Variants in RYR3 observed in about 807,000 individuals in gnomAD.
RYR3 encodes brain ryanodine receptor-calcium release channel.
Under a neutral mutation model 584.3 loss-of-function variants are expected in RYR3, and 207 were observed. That is an observed-to-expected ratio of 0.35 (90% CI 0.32 to 0.40). The LOEUF is 0.40. Ranked by LOEUF, RYR3 falls within the 10% of genes least tolerant of loss-of-function variation. The probability of loss-of-function intolerance (pLI) is 1.00; values close to 1 mark genes in which losing one functional copy is unlikely to be tolerated. For missense variants in RYR3, 5,616 were observed against 6,089.2 expected, an observed-to-expected ratio of 0.92 and a Z score of 2.59; for synonymous variants, 2,416 against 2,248.5, an observed-to-expected ratio of 1.07 and a Z score of -2.11.
intron 19 of RYR3, among the ~76,000 whole-genome samples, chr15:33,617,446 G>A (rs1332702353): frequency 3.3e-5 from 5 of 151,932 alleles, no homozygotes. Flanking sequence ...AAATTGAAAA[G>A]GAATTATTGT....
At chr15:33,321,308 C>T (rs1377589401) in intron 1 of RYR3, among the ~76,000 whole-genome samples, 1 of 152,168 alleles carries the variant, frequency 6.6e-6, no homozygotes, top group Non-Finnish European at 1.5e-5. Flanking sequence ...AAGCATGGAC[C>T]TAAAGTAAAG....
intron 1 of RYR3, among the ~76,000 whole-genome samples, chr15:33,428,808 A>G (rs565852155): frequency 6.6e-6 from 1 of 152,330 alleles, no homozygotes; most frequent in Admixed American, 6.5e-5. Flanking sequence ...AAAAAAAGTC[A>G]AAGTTGTTAG....
chr15:33,552,069 G>A (rs549996971), intron 10 of RYR3, among the ~76,000 whole-genome samples: 79 of 152,236 alleles, frequency 5.2e-4, no homozygotes, highest in Middle Eastern at 6.8e-3. Flanking sequence ...TGACCCACTC[G>A]GGATATGCTG....
chr15:33,520,984 A>G (rs916210899), intron 3 of RYR3, among the ~76,000 whole-genome samples: 3 of 152,226 alleles, frequency 2.0e-5, no homozygotes, highest in Admixed American at 1.3e-4. Context: ...GCAGAAATCT[A>G]CATCGATTCT....
intron 64 of RYR3, among the ~76,000 whole-genome samples, chr15:33,777,788 GA>G (rs71117173): frequency 0.65 from 93,693 of 144,064 alleles, 30,122 homozygotes; most frequent in East Asian, 0.95. Flanking sequence ...AAAGAAAGAG[GA>G]AAAAAAAAAA....
chr15:33,597,811 A>G (rs1229482425), intron 16 of RYR3, among the ~76,000 whole-genome samples: 3 of 144,294 alleles, frequency 2.1e-5, no homozygotes, highest in Non-Finnish European at 1.5e-5. Flanking sequence ...TATTGTTAGT[A>G]GTAAAACATT....
intron 75 of RYR3, among the ~76,000 whole-genome samples, chr15:33,817,768 T>A (rs1008815340): frequency 1.2e-4 from 18 of 152,198 alleles, no homozygotes; most frequent in Non-Finnish European, 2.5e-4. Flanking sequence ...CTCCGTTGGT[T>A]TTCTCAGTTT....
At chr15:33,408,866 A>G (rs1006058481) in intron 1 of RYR3, among the ~76,000 whole-genome samples, 2 of 152,218 alleles carry the variant, frequency 1.3e-5, no homozygotes, top group Non-Finnish European at 2.9e-5. Flanking sequence ...TGCTTCTCCT[A>G]TAGAATAGAA....
At chr15:33,634,549 T>C (rs1187511042) in intron 24 of RYR3, 37 bp from the exon 25 acceptor site, 4 of 1,611,620 alleles carry the variant, frequency 2.5e-6, no homozygotes, top group Non-Finnish European at 3.4e-6. Flanking sequence ...GAAGGTGAAA[T>C]GTTTTCTTGG....
intron 12 of RYR3, among the ~76,000 whole-genome samples, chr15:33,573,329 T>G (rs1337873719): frequency 1.3e-5 from 2 of 152,184 alleles, no homozygotes; most frequent in East Asian, 3.9e-4. Flanking sequence ...CCATCTCTTT[T>G]GAGAAACCAA....
intron 3 of RYR3, among the ~76,000 whole-genome samples, chr15:33,508,573 C>T (rs1226176213): frequency 1.3e-5 from 2 of 152,098 alleles, no homozygotes; most frequent in Non-Finnish European, 2.9e-5. Flanking sequence ...TGGTGTGAAC[C>T]TGGGAGGTGG....
chr15:33,786,016 G>C, intron 66 of RYR3, 34 bp downstream of exon 66: 1 of 1,467,710 alleles, frequency 6.8e-7, no homozygotes, highest in East Asian at 2.3e-5. Context: ...CCCCAGCCCA[G>C]GGGCCAAGAT....
chr15:33,705,101 T>TTCTCTCTCTCTC (rs10534581), intron 42 of RYR3, among the ~76,000 whole-genome samples: 4,676 of 142,032 alleles, frequency 0.033, 132 homozygotes, highest in East Asian at 0.056. Flanking sequence ...CACACACTCT[T>TTCTCTCTCTCTC]TCTCTCTCTC....
chr15:33,631,238 G>T lies in RYR3; in HGVS notation c.2812G>T (p.Ala938Ser), dbSNP rs1186954298. The change falls in exon 23 of 104, where the codon GCT (alanine) becomes TCT (serine). Residue 938 changes from alanine (A) to serine (S), a missense_variant. By Grantham distance (99) the Ala-to-Ser change is moderately conservative. Transcript: ENST00000634891. ...KTLLALGCHIAHVNPAAEEDL... is the reference protein window; with the variant it reads ...KTLLALGCHISHVNPAAEEDL... ...CCTCTTGGCCCTGGGGTGCCACATT[G>T]CTCATGTTAACCCAGCTGCTGAGGA... The T allele has an allele frequency of 1.3e-5, 21 of 1,591,160 alleles. No homozygotes were observed. Among genetic ancestry groups the T allele is most frequent in the Non-Finnish European group, 1.8e-5 (21 of 1,167,928 alleles).
At chr15:33,455,055 A>C (rs1370888042) in intron 1 of RYR3, among the ~76,000 whole-genome samples, 1 of 152,222 alleles carries the variant, frequency 6.6e-6, no homozygotes. Context: ...TAGAAATCCT[A>C]GGTGCCTAAA....
At chr15:33,622,272 C>A (rs1480180326) in intron 19 of RYR3, among the ~76,000 whole-genome samples, 1 of 152,158 alleles carries the variant, frequency 6.6e-6, no homozygotes, top group Non-Finnish European at 1.5e-5. Flanking sequence ...GTGTTCTCAC[C>A]CACGCCACCC....
intron 67 of RYR3, 34 bp downstream of exon 67, chr15:33,788,492 C>T (rs758328044): frequency 1.9e-5 from 30 of 1,604,086 alleles, no homozygotes; most frequent in Non-Finnish European, 2.4e-5. Context: ...CTGTCTGCCC[C>T]TCTGTGGGGC....
chr15:33,395,255 C>T (rs533836674), intron 1 of RYR3, among the ~76,000 whole-genome samples: 61 of 152,334 alleles, frequency 4.0e-4, no homozygotes, highest in Non-Finnish European at 6.9e-4. Context: ...AACATGGGGA[C>T]GTAGCTGGAG....
Position 33,585,074 on chromosome 15 carries a change from G to T in RYR3, c.1669+584G>T, listed in dbSNP as rs116189608. 2.4e-3 allele frequency among the ~76,000 whole-genome samples: 370 copies of T among 152,160 alleles called. 1 individual carries two copies. Among genetic ancestry groups the T allele is most frequent in the African/African-American group, 8.7e-3 (360 of 41,510 alleles). On this transcript the variant is annotated intron_variant, in intron 15 of 103. Coordinates refer to ENST00000634891, the MANE Select transcript of RYR3 (RefSeq NM_001036.6). Reference sequence around the variant, plus strand: ...CAGGGCTTAGCAGTTTGCTTCCTCCGAGATGAGTAAACATGGCAGGTATAC... The same window carrying T: ...CAGGGCTTAGCAGTTTGCTTCCTCCTAGATGAGTAAACATGGCAGGTATAC...
Sources: gnomAD v4.1 joint callset for allele counts (sites outside exome capture counted in the v4.1 genomes callset) on GRCh38, gnomAD v4.1.1 for gene constraint, MANE v1.5 for transcripts, NCBI Gene and HGNC (gene_info 2026-07-23, HGNC 2026-07-21) for gene names.